KIF13B: variants seen among roughly 807,000 people sequenced by gnomAD.
KIF13B encodes the protein kinesin family member 13B.
Under a neutral mutation model 222.0 loss-of-function variants are expected in KIF13B, and 127 were observed. The observed-to-expected ratio is 0.57, with a 90% CI of 0.50 to 0.66. The LOEUF is 0.66. Among genes scored for constraint, KIF13B ranks in the 30% least tolerant of loss-of-function variants. The pLI is 0.00. For synonymous variants in KIF13B, 976 were observed against 919.0 expected (o/e 1.06, Z -1.12); for missense variants, 2,173 against 2,379.0 (o/e 0.91, Z 1.80).
intron 2 of KIF13B, among the ~76,000 whole-genome samples, chr8:29,218,236 C>A (rs934782507): frequency 1.3e-5 from 2 of 152,132 alleles, no homozygotes; most frequent in African/African-American, 4.8e-5. Context: ...TAAATTTAGC[C>A]CAGTGCCTGC....
chr8:29,148,896 G>T, intron 15 of KIF13B, 129 bp from the exon 16 acceptor site: 1 of 658,342 alleles, frequency 1.5e-6, no homozygotes, highest in Non-Finnish European at 2.4e-6. Flanking sequence ...CTGTACTCAG[G>T]AAGTTGATAA....
At chr8:29,128,179 T>TG (rs1393013470) in intron 24 of KIF13B, among the ~76,000 whole-genome samples, 1 of 150,834 alleles carries the variant, frequency 6.6e-6, no homozygotes, top group Non-Finnish European at 1.5e-5. Context: ...TCAGTAAATA[T>TG]GATTGTTTAG....
intron 35 of KIF13B, among the ~76,000 whole-genome samples, chr8:29,101,726 C>G (rs1163580480): frequency 6.6e-6 from 1 of 152,108 alleles, no homozygotes; most frequent in South Asian, 2.1e-4. Context: ...CTCACATGCT[C>G]CCCCCGCAAC....
chr8:29,116,686 G>A (rs1809611982), intron 31 of KIF13B, 145 bp downstream of exon 31: 2 of 648,640 alleles, frequency 3.1e-6, no homozygotes, highest in South Asian at 2.3e-5. Context: ...GCAAGCATGG[G>A]TACAGGACAG....
At chr8:29,100,701 C>G (rs181698985) in intron 35 of KIF13B, among the ~76,000 whole-genome samples, 1 of 152,162 alleles carries the variant, frequency 6.6e-6, no homozygotes, top group Admixed American at 6.5e-5. Context: ...CCGCCCGCCT[C>G]GGCCTCCCAA....
At position 29,081,443 on chromosome 8, in the gene KIF13B, C is replaced by A. The variant is rs80032775; in HGVS notation, c.4459-6100G>T. Reference sequence around the variant, plus strand: ...ATGCTTTTAAGTATGTTTAGAACAGCCTCGGCATGTGGGTCTGCTTTTTCA... The same window carrying A: ...ATGCTTTTAAGTATGTTTAGAACAGACTCGGCATGTGGGTCTGCTTTTTCA... On this transcript the variant is annotated intron_variant, in intron 37 of 39. Transcript: ENST00000524189. 9.9e-3 allele frequency among the ~76,000 whole-genome samples: 1,505 copies of A among 152,280 alleles called. 13 individuals carry two copies. The highest frequency in any genetic ancestry group is 0.024 in the Middle Eastern group (7 of 294).
chr8:29,118,074 C>T (rs1809684545), intron 30 of KIF13B, among the ~76,000 whole-genome samples: 1 of 151,942 alleles, frequency 6.6e-6, no homozygotes, highest in Non-Finnish European at 1.5e-5. Flanking sequence ...AAGAGGATCA[C>T]TTGAACCCAG....
chr8:29,202,073 T>C (rs1813715890), intron 2 of KIF13B, among the ~76,000 whole-genome samples: 1 of 152,136 alleles, frequency 6.6e-6, no homozygotes, highest in African/African-American at 2.4e-5. Flanking sequence ...AATAGCAACA[T>C]TGATAAAGTA....
At chr8:29,197,251 G>A (rs1228961776) in intron 2 of KIF13B, among the ~76,000 whole-genome samples, 2 of 147,428 alleles carry the variant, frequency 1.4e-5, no homozygotes, top group Non-Finnish European at 3.0e-5. Flanking sequence ...GCAGGAGAAT[G>A]GCGTGAACCC....
At chr8:29,190,950 C>A (rs1813153602) in intron 4 of KIF13B, 47 bp downstream of exon 4, 1 of 1,455,232 alleles carries the variant, frequency 6.9e-7, no homozygotes, top group African/African-American at 1.4e-5. Flanking sequence ...AATACTGAAC[C>A]CCTCTTCTAC....
intron 37 of KIF13B, among the ~76,000 whole-genome samples, chr8:29,078,461 C>T (rs1038494029): frequency 1.3e-5 from 2 of 152,136 alleles, no homozygotes; most frequent in African/African-American, 2.4e-5. Flanking sequence ...AAATCATAAC[C>T]GTGTGCTCAT....
At chr8:29,127,375 C>T in intron 24 of KIF13B, 107 bp from the exon 25 acceptor site, 1 of 860,670 alleles carries the variant, frequency 1.2e-6, no homozygotes, top group Non-Finnish European at 1.8e-6. Context: ...TTAATTCAGA[C>T]ACTGTCACTA....
In KIF13B at chr8:29,109,484, C is replaced by T. The variant is rs1809253144; in HGVS notation, c.4111G>A (p.Gly1371Arg). 1 of 1,613,838 alleles carries T rather than the reference C, an allele frequency of 6.2e-7. No homozygotes were observed. The highest frequency in any genetic ancestry group is 1.1e-5 in the South Asian group (1 of 91,084). The change falls in exon 34 of 40, where the codon GGA becomes AGA. Residue 1371 changes from glycine to arginine, a missense_variant. By Grantham distance (125) the Gly-to-Arg change is moderately radical. Coordinates refer to ENST00000524189, the MANE Select transcript of KIF13B (RefSeq NM_015254.4). The part of the protein sequence containing the change: ...QEVAVKEQLT[G>R]KGKLSRRSIS... ...CTCCTCCTGCTCAACTTTCCTTTTC[C>T]TGTTAACTGTTCCTTCACTGCAACT...
At chr8:29,230,826 T>C (rs191801292) in intron 2 of KIF13B, among the ~76,000 whole-genome samples, 67 of 152,290 alleles carry the variant, frequency 4.4e-4, no homozygotes, top group Middle Eastern at 3.4e-3. Flanking sequence ...CTTCTGGAAA[T>C]GGCAAGGCAT....
At chr8:29,090,809 A>C (rs1808264625) in intron 37 of KIF13B, among the ~76,000 whole-genome samples, 1 of 152,190 alleles carries the variant, frequency 6.6e-6, no homozygotes, top group Non-Finnish European at 1.5e-5. Flanking sequence ...TCCCGCGTTC[A>C]AGCGATTCTC....
rs553254340 is a variant in KIF13B at position 29,245,378 on chromosome 8, A to G, written c.117T>C (p.Pro39=). ...CTCCTTTGGAAAGATTCGTATTTAC[A>G]GGATTAAGAATAACCTTGTTTGCAT... ...DVDANKVILN[P]VNTNLSKGDA... is the part of the protein sequence containing the mutation. The change falls in exon 2 of 40, where the codon CCT becomes CCC. Residue 39 remains proline (P), a synonymous_variant. Transcript: ENST00000524189. 70 of 1,602,290 alleles carry G rather than the reference A, an allele frequency of 4.4e-5. No homozygotes were observed. Among genetic ancestry groups the G allele is most frequent in the Non-Finnish European group, 4.9e-5 (58 of 1,173,710 alleles).
chr8:29,253,342 T>A (rs536736767), intron 1 of KIF13B, among the ~76,000 whole-genome samples: 1 of 151,710 alleles, frequency 6.6e-6, no homozygotes, highest in Non-Finnish European at 1.5e-5. Context: ...AGACCCCATA[T>A]CTGAAAACAA....
chr8:29,142,696 G>A (rs574999807), intron 18 of KIF13B, among the ~76,000 whole-genome samples: 37 of 152,024 alleles, frequency 2.4e-4, no homozygotes, highest in African/African-American at 7.7e-4. Flanking sequence ...AAAATTAGCC[G>A]GGTGTGGTGG....
intron 37 of KIF13B, among the ~76,000 whole-genome samples, chr8:29,092,139 C>G (rs904953650): frequency 6.6e-5 from 10 of 152,340 alleles, no homozygotes; most frequent in African/African-American, 2.4e-4. Context: ...GCTGAGTTAA[C>G]ACCTATATAA....
Sources: allele counts gnomAD v4.1 joint callset (sites outside exome capture counted in the v4.1 genomes callset), GRCh38; gene constraint gnomAD v4.1.1; transcripts MANE v1.5; gene names NCBI Gene and HGNC (gene_info 2026-07-23, HGNC 2026-07-21).